Variants in PHACTR1 observed in about 807,000 individuals in gnomAD.
The protein encoded by PHACTR1 is phosphatase and actin regulator 1, also known as RPEL repeat containing 1.
PHACTR1 carries 16 observed loss-of-function variants against 69.2 expected under a neutral mutation model. The observed-to-expected ratio is 0.23, with a 90% CI of 0.16 to 0.35. The LOEUF (loss-of-function observed/expected upper bound fraction) is 0.35. Among genes scored for constraint, PHACTR1 ranks in the 10% least tolerant of loss-of-function variants. PHACTR1 has a pLI of 1.00. For missense variants in PHACTR1, 510 were observed against 734.7 expected (o/e 0.69, Z 3.54); for synonymous variants, 312 against 284.5 (o/e 1.10, Z -0.97).
In PHACTR1 at chr6:13,234,354, A is replaced by T. The variant is rs1771677420; in HGVS notation, c.1391+4161A>T. Among the ~76,000 whole-genome samples, 6 of 152,256 alleles carry T rather than the reference A, an allele frequency of 3.9e-5. No homozygotes were observed. The South Asian group carries it at 1.2e-3, about 32-fold the overall frequency. On this transcript the variant is annotated intron_variant, in intron 10 of 14. Transcript: ENST00000332995. Reference sequence around the variant, plus strand: ...AAAAAGTAACTAAAAGAATGTAGACATGTGCTGTAGAGTTGGCATTTCTGA... The same window carrying T: ...AAAAAGTAACTAAAAGAATGTAGACTTGTGCTGTAGAGTTGGCATTTCTGA...
intron 3 of PHACTR1, among the ~76,000 whole-genome samples, chr6:12,744,762 C>T (rs1345656153): frequency 6.6e-6 from 1 of 152,198 alleles, no homozygotes; most frequent in Non-Finnish European, 1.5e-5. Context: ...TATCCAGTGA[C>T]ATTCTGAAAA....
intron 4 of PHACTR1, among the ~76,000 whole-genome samples, chr6:12,977,972 T>C (rs935975765): frequency 2.0e-5 from 3 of 152,200 alleles, no homozygotes; most frequent in African/African-American, 7.2e-5. Context: ...AGGAAAAACA[T>C]ATGTGCATGT....
At chr6:12,731,437 A>G (rs1413070399) in intron 3 of PHACTR1, among the ~76,000 whole-genome samples, 2 of 152,204 alleles carry the variant, frequency 1.3e-5, no homozygotes, top group African/African-American at 4.8e-5. Context: ...AGCCCAATTG[A>G]ATTCTTGTCT....
At chr6:12,760,865 G>A (rs1343414088) in intron 4 of PHACTR1, among the ~76,000 whole-genome samples, 1 of 152,204 alleles carries the variant, frequency 6.6e-6, no homozygotes, top group Non-Finnish European at 1.5e-5. Context: ...TCCGGGAGGC[G>A]CAAGATGAAG....
intron 3 of PHACTR1, 69 bp downstream of exon 3, chr6:12,718,916 G>T: frequency 1.1e-6 from 1 of 915,490 alleles, no homozygotes; most frequent in Non-Finnish European, 1.6e-6. Flanking sequence ...CATGTAGGCT[G>T]TAGCTGTTAA....
Position 12,742,888 on chromosome 6 carries a change from A to G in PHACTR1, c.104-6756A>G, listed in dbSNP as rs902169195. Among the ~76,000 whole-genome samples the G allele has an allele frequency of 3.3e-5, 5 of 152,210 alleles. No homozygotes were observed. The South Asian group carries it at 1.0e-3, about 32-fold the overall frequency. ...GGAAGAATAATAAGTGTTCAATTTAAGAAAATATTCAGTAAGCTTATCTGG... is the reference window on the plus strand; with the variant it reads ...GGAAGAATAATAAGTGTTCAATTTAGGAAAATATTCAGTAAGCTTATCTGG... On this transcript the variant is annotated intron_variant, in intron 3 of 14. Transcript: ENST00000332995.
At chr6:13,190,341 CTCT>C (rs748975116) in intron 7 of PHACTR1, among the ~76,000 whole-genome samples, 2 of 151,826 alleles carry the variant, frequency 1.3e-5, no homozygotes, top group Non-Finnish European at 2.9e-5. Flanking sequence ...GGCTTGATGT[CTCT>C]TCTTATAAGG....
intron 4 of PHACTR1, among the ~76,000 whole-genome samples, chr6:12,976,583 C>T (rs1035148404): frequency 1.3e-5 from 2 of 152,182 alleles, no homozygotes; most frequent in Admixed American, 6.5e-5. Context: ...AGTTACTCAT[C>T]GTCAACCATG....
chr6:13,068,712 A>G (rs1182039584), intron 5 of PHACTR1, among the ~76,000 whole-genome samples: 1 of 152,206 alleles, frequency 6.6e-6, no homozygotes, highest in African/African-American at 2.4e-5. Flanking sequence ...ATTTACAATT[A>G]AGTGAGCAAA....
intron 4 of PHACTR1, among the ~76,000 whole-genome samples, chr6:12,809,189 TCTA>T (rs2127691884): frequency 6.6e-6 from 1 of 152,278 alleles, no homozygotes; most frequent in South Asian, 2.1e-4. Context: ...TGCCCAGCCA[TCTA>T]CTGTCTTACT....
In PHACTR1 at chr6:13,275,444, T is replaced by C. The variant is rs541543508; in HGVS notation, c.1447+2529T>C. 2 of 152,346 alleles carry C rather than the reference T, an allele frequency of 1.3e-5. No homozygotes were observed. The highest frequency in any genetic ancestry group is 2.1e-4 in the South Asian group (1 of 4,828). The allele number at this position is 152,346 out of a possible 1,614,324, so 9.4% of individuals were successfully genotyped here. A position where few individuals can be genotyped will look rare whatever the true frequency, so the allele number is the denominator to read the frequency against. On this transcript the variant is annotated intron_variant, in intron 11 of 14. Coordinates refer to ENST00000332995, the MANE Select transcript of PHACTR1 (RefSeq NM_030948.6). The surrounding 1 kb of genome is among the most constrained non-coding windows in gnomAD (Gnocchi z 4.0). ...TATCAATTCTGTAGGTGGTAGCTTG[T>C]GGCCCCACCCCTCAGAGTGACCTAA...
chr6:12,942,779 TGAGCTAGTGG>T (rs1790186855), intron 4 of PHACTR1, among the ~76,000 whole-genome samples: 1 of 152,234 alleles, frequency 6.6e-6, no homozygotes, highest in Non-Finnish European at 1.5e-5. Context: ...AAGTAGCTTA[TGAGCTAGTGG>T]AGAAATGAAT....
At chr6:12,958,781 T>C (rs1001588268) in intron 4 of PHACTR1, among the ~76,000 whole-genome samples, 2 of 152,204 alleles carry the variant, frequency 1.3e-5, no homozygotes, top group Non-Finnish European at 2.9e-5. Flanking sequence ...TAGAATAATA[T>C]CTACAAAGAG....
intron 4 of PHACTR1, among the ~76,000 whole-genome samples, chr6:12,904,706 C>T (rs1005915187): frequency 3.3e-5 from 5 of 152,020 alleles, no homozygotes; most frequent in South Asian, 2.1e-4. Context: ...CTACATACCC[C>T]GAGGCACTGA....
intron 3 of PHACTR1, among the ~76,000 whole-genome samples, chr6:12,736,849 TAAC>T (rs1266199324): frequency 4.6e-5 from 7 of 152,158 alleles, no homozygotes; most frequent in Non-Finnish European, 7.4e-5. Context: ...CACCTATTAA[TAAC>T]GTTTTACTCC....
At chr6:13,209,182 A>G (rs966595290) in intron 8 of PHACTR1, among the ~76,000 whole-genome samples, 10 of 152,198 alleles carry the variant, frequency 6.6e-5, no homozygotes, top group African/African-American at 2.4e-4. Flanking sequence ...TCCAGGAAGA[A>G]TCTCAAAATA....
chr6:12,720,545 C>T (rs1028980875), intron 3 of PHACTR1, among the ~76,000 whole-genome samples: 2 of 151,948 alleles, frequency 1.3e-5, no homozygotes, highest in Non-Finnish European at 2.9e-5. Flanking sequence ...GTTTAGACAC[C>T]GGAGCTGGAA....
chr6:13,282,091 G>A (rs1337419301), intron 12 of PHACTR1, among the ~76,000 whole-genome samples: 1 of 152,190 alleles, frequency 6.6e-6, no homozygotes, highest in Non-Finnish European at 1.5e-5. Context: ...ACTAGCCACG[G>A]GTGTCTGGAA....
At chr6:12,794,313 A>G (rs1221453776) in intron 4 of PHACTR1, among the ~76,000 whole-genome samples, 1 of 152,258 alleles carries the variant, frequency 6.6e-6, no homozygotes, top group Non-Finnish European at 1.5e-5. Flanking sequence ...CTGAAGTGTT[A>G]AGGGTATCCT....
Sources: allele counts gnomAD v4.1 joint callset (sites outside exome capture counted in the v4.1 genomes callset), GRCh38; gene constraint gnomAD v4.1.1; non-coding constraint Gnocchi (gnomAD v3.1); transcripts MANE v1.5; gene names NCBI Gene and HGNC (gene_info 2026-07-23, HGNC 2026-07-21).